Variants in IMPA2 observed in about 807,000 individuals in gnomAD.
The protein encoded by IMPA2 is IMP 2.
Under a neutral mutation model 35.1 loss-of-function variants are expected in IMPA2, and 32 were observed. The ratio of observed to expected loss-of-function variants is 0.91; its 90% CI spans 0.69 to 1.23. The LOEUF (loss-of-function observed/expected upper bound fraction) is 1.23, where lower values mean the gene tolerates loss of function less well. Among genes scored for constraint, IMPA2 ranks in the 50% most tolerant of loss-of-function variants. The pLI, the probability that IMPA2 is intolerant of heterozygous loss-of-function variation, is 0.00. For missense variants in IMPA2, 334 were observed against 387.6 expected, an observed-to-expected ratio of 0.86 and a Z score of 1.16; for synonymous variants, 135 against 160.6, an observed-to-expected ratio of 0.84 and a Z score of 1.20.
chr18:11,985,313 C>T (rs1479980062), intron 1 of IMPA2, among the ~76,000 whole-genome samples: 3 of 152,180 alleles, frequency 2.0e-5, no homozygotes, highest in Admixed American at 1.3e-4. Flanking sequence ...CACTGCTTCT[C>T]ATACTTCCGT....
chr18:12,024,141 G>A (rs1018976251), intron 5 of IMPA2, among the ~76,000 whole-genome samples: 61 of 152,302 alleles, frequency 4.0e-4, no homozygotes, highest in Middle Eastern at 3.4e-3. Context: ...AATAGAGTGC[G>A]GCTGTTAAGA....
chr18:12,010,663 G>A lies in IMPA2; in HGVS notation c.335+676G>A, dbSNP rs185239651. Among the ~76,000 whole-genome samples the A allele has an allele frequency of 7.5e-4, 114 of 152,300 alleles. 2 individuals are homozygous for A. Among genetic ancestry groups the A allele is most frequent in the Non-Finnish European group, 1.2e-4 (8 of 68,008 alleles). ...AAACGGAGCGTGGTTCTCCAGCTCTGGAGAACCCTGGAGAGATTCCCATTC... is the reference window on the plus strand; with the variant it reads ...AAACGGAGCGTGGTTCTCCAGCTCTAGAGAACCCTGGAGAGATTCCCATTC... On this transcript the variant is annotated intron_variant, in intron 3 of 7. Coordinates refer to ENST00000269159, the MANE Select transcript of IMPA2 (RefSeq NM_014214.3). This position sits in a 1 kb window ranked among gnomAD's most constrained non-coding sequence, Gnocchi z 4.8.
At chr18:12,003,471 C>T (rs1054509149) in intron 2 of IMPA2, among the ~76,000 whole-genome samples, 1 of 152,042 alleles carries the variant, frequency 6.6e-6, no homozygotes, top group African/African-American at 2.4e-5. Flanking sequence ...TATGATGAAA[C>T]CCCGTCTCTA....
intron 2 of IMPA2, among the ~76,000 whole-genome samples, chr18:12,002,928 T>C (rs7226477): frequency 0.42 from 64,080 of 151,320 alleles, 15,812 homozygotes; most frequent in African/African-American, 0.66. Flanking sequence ...CGCGGTGGTT[T>C]ACACCTGTAA....
chr18:11,987,622 C>T (rs921199905), intron 1 of IMPA2, among the ~76,000 whole-genome samples: 5 of 152,054 alleles, frequency 3.3e-5, no homozygotes, highest in Non-Finnish European at 5.9e-5. Flanking sequence ...CGAGCCACTG[C>T]GCCTGGCCTC....
chr18:11,997,531 CA>C (rs1906994158), intron 1 of IMPA2, among the ~76,000 whole-genome samples: 3 of 152,178 alleles, frequency 2.0e-5, no homozygotes, highest in African/African-American at 7.2e-5. Context: ...TGGCTCAGTA[CA>C]GCGTGGGCCA....
At chr18:12,028,704 C>A in intron 6 of IMPA2, 138 bp from the exon 7 acceptor site, 1 of 1,021,208 alleles carries the variant, frequency 9.8e-7, no homozygotes, top group Non-Finnish European at 1.4e-6. Flanking sequence ...ATTCAGCCTC[C>A]AGAGCTTTGG....
intron 2 of IMPA2, among the ~76,000 whole-genome samples, chr18:12,000,644 C>T (rs1469391197): frequency 7.6e-6 from 1 of 131,540 alleles, no homozygotes; most frequent in Non-Finnish European, 1.5e-5. Context: ...GAGATGGAGT[C>T]TTGCTCTGGC....
intron 1 of IMPA2, among the ~76,000 whole-genome samples, chr18:11,982,714 A>G (rs539911362): frequency 5.3e-5 from 8 of 151,358 alleles, no homozygotes; most frequent in Non-Finnish European, 8.8e-5. Flanking sequence ...AATCACTTGA[A>G]CCTGGGAGGC....
chr18:12,006,703 T>C (rs1474014776), intron 2 of IMPA2, among the ~76,000 whole-genome samples: 1 of 152,164 alleles, frequency 6.6e-6, no homozygotes, highest in African/African-American at 2.4e-5. Context: ...TTCTAGATAA[T>C]TTATCAGCAA....
intron 5 of IMPA2, among the ~76,000 whole-genome samples, chr18:12,016,294 TC>T: frequency 6.6e-6 from 1 of 152,306 alleles, no homozygotes; most frequent in Non-Finnish European, 1.5e-5. Flanking sequence ...GACAGGCGGT[TC>T]CACGTGTTTT....
intron 5 of IMPA2, among the ~76,000 whole-genome samples, chr18:12,020,179 T>G (rs191998327): frequency 0.011 from 1,638 of 151,210 alleles, 25 homozygotes; most frequent in South Asian, 0.014. Flanking sequence ...GGCCTTTATT[T>G]ATTGATTGAT....
At chr18:11,998,919 G>GA in intron 1 of IMPA2, 135 bp from the exon 2 acceptor site, 1 of 42,850 alleles carries the variant, frequency 2.3e-5, no homozygotes, top group Non-Finnish European at 4.0e-5. Flanking sequence ...CACACCTGCT[G>GA]CCCCCGCCGC....
rs571366081 is a variant in IMPA2 at position 11,981,511 on chromosome 18, C to G, written c.-159C>G. ...CGGCTCCCGCGGCCCGCTGGCTGCC[C>G]TTCCCGCCAGCGCAGGTGTGGGACG... On this transcript the variant is annotated 5_prime_UTR_variant, in exon 1 of 8. Transcript: ENST00000269159. 2 of 444,610 alleles carry G rather than the reference C, an allele frequency of 4.5e-6. No homozygotes were observed. Among genetic ancestry groups the G allele is most frequent in the Non-Finnish European group, 7.4e-6 (2 of 271,550 alleles). The allele number at this position is 444,610 out of a possible 1,614,324, so 27.5% of individuals were successfully genotyped here.
intron 5 of IMPA2, among the ~76,000 whole-genome samples, chr18:12,019,296 C>T (rs1483842414): frequency 6.6e-6 from 1 of 151,908 alleles, no homozygotes; most frequent in African/African-American, 2.4e-5. Flanking sequence ...ACTCTGTTGC[C>T]CAGGCTGGGG....
At chr18:11,998,447 C>T (rs916652910) in intron 1 of IMPA2, among the ~76,000 whole-genome samples, 3 of 152,200 alleles carry the variant, frequency 2.0e-5, no homozygotes, top group African/African-American at 7.2e-5. Context: ...GATGCTGCTC[C>T]AGCCCAGAGC....
Position 12,008,448 on chromosome 18 carries a change from C to A in IMPA2, c.231-1435C>A, listed in dbSNP as rs1190896019. 10 of 498,902 alleles carry A rather than the reference C, an allele frequency of 2.0e-5. No homozygotes were observed. In the Admixed American group the frequency reaches 2.1e-4, roughly 10 times the overall value. The allele number at this position is 498,902 out of a possible 1,614,324, so 30.9% of individuals were successfully genotyped here. On this transcript the variant is annotated intron_variant, in intron 2 of 7. Coordinates refer to ENST00000269159, the MANE Select transcript of IMPA2 (RefSeq NM_014214.3). ...ATGTTTGCTTAGCGCCTGCCCAAGGCCTCACCCTTAGTGAACTTGGGACAG... is the reference window on the plus strand; with the variant it reads ...ATGTTTGCTTAGCGCCTGCCCAAGGACTCACCCTTAGTGAACTTGGGACAG...
chr18:12,017,874 G>A (rs963936660), intron 5 of IMPA2: 1 of 309,996 alleles, frequency 3.2e-6, no homozygotes, highest in African/African-American at 2.3e-5. Flanking sequence ...TTACAGTTGT[G>A]AGCCACTGCA....
Position 12,012,222 on chromosome 18 carries a change from G to T in IMPA2, c.381+7G>T. 2 of 1,613,814 alleles carry T rather than the reference G, an allele frequency of 1.2e-6. No individual in the cohort carries two copies. The highest frequency in any genetic ancestry group is 2.2e-5 in the East Asian group (1 of 44,872). The stretch of plus-strand genomic sequence containing the variant: ...ATTTGCTGTTCGACAAGAGGTGCGG[G>T]TGTGGCCCAGGTCCCCAGGGCCCCT... On this transcript the variant is annotated splice_region_variant and intron_variant, in intron 4 of 7. Coordinates refer to ENST00000269159, the MANE Select transcript of IMPA2 (RefSeq NM_014214.3).
Sources: allele counts gnomAD v4.1 joint callset (sites outside exome capture counted in the v4.1 genomes callset), GRCh38; gene constraint gnomAD v4.1.1; non-coding constraint Gnocchi (gnomAD v3.1); transcripts MANE v1.5; gene names NCBI Gene and HGNC (gene_info 2026-07-23, HGNC 2026-07-21).